The following THSD7A variants were observed in gnomAD, a reference collection of about 807,000 sequenced individuals.
The protein encoded by THSD7A is thrombospondin type 1 domain containing 7A.
THSD7A carries 96 observed loss-of-function variants against 231.3 expected under a neutral mutation model. That is an observed-to-expected ratio of 0.41 (90% CI 0.35 to 0.49). The LOEUF (loss-of-function observed/expected upper bound fraction) is 0.49, where lower values mean the gene tolerates loss of function less well. Ranked by LOEUF, THSD7A falls within the 20% of genes least tolerant of loss-of-function variation. The pLI, the probability that THSD7A is intolerant of heterozygous loss-of-function variation, is 0.05. For synonymous variants in THSD7A, 940 were observed against 743.3 expected (o/e 1.26, Z -4.30); for missense variants, 2,290 against 2,070.2 (o/e 1.11, Z -2.06).
At chr7:11,418,657 C>T (rs1784039638) in intron 16 of THSD7A, among the ~76,000 whole-genome samples, 1 of 152,170 alleles carries the variant, frequency 6.6e-6, no homozygotes, top group Non-Finnish European at 1.5e-5. Flanking sequence ...TCAGCAGGGA[C>T]ATTCACAAAT....
chr7:11,570,275 T>A (rs1790566964), intron 4 of THSD7A, among the ~76,000 whole-genome samples: 1 of 152,140 alleles, frequency 6.6e-6, no homozygotes, highest in African/African-American at 2.4e-5. Flanking sequence ...ATGTTCTCAC[T>A]CATATGGTGG....
intron 6 of THSD7A, among the ~76,000 whole-genome samples, chr7:11,536,066 A>G (rs749345001): frequency 6.6e-5 from 10 of 152,176 alleles, no homozygotes; most frequent in Admixed American, 2.0e-4. Context: ...ACATTTTCCA[A>G]TATTAAACAA....
intron 11 of THSD7A, among the ~76,000 whole-genome samples, chr7:11,451,753 G>A (rs1051814257): frequency 2.0e-5 from 3 of 152,036 alleles, no homozygotes; most frequent in Non-Finnish European, 4.4e-5. Context: ...ATACATGGAT[G>A]TGTAAATGGA....
Position 11,636,955 on chromosome 7 carries a change from C to A in THSD7A, c.197G>T (p.Trp66Leu). The change falls in exon 2 of 28, where the codon TGG becomes TTG. Residue 66 changes from tryptophan to leucine, a missense_variant. By Grantham distance (61) the Trp-to-Leu change is moderately conservative (BLOSUM62 -2). Transcript: ENST00000423059. This position sits in a 1 kb window ranked among gnomAD's most constrained non-coding sequence, Gnocchi z 10.0. Reference protein sequence around the residue: ...PTLYLWKTGPWGRCMGDECGP... With the variant: ...PTLYLWKTGPLGRCMGDECGP... ...ACATTCATCTCCCATACATCGGCCC[C>A]ATGGACCTACAAAAATTATAACACA... 1 of 1,598,450 alleles carries A rather than the reference C, an allele frequency of 6.3e-7. No individual in the cohort carries two copies. The highest frequency in any genetic ancestry group is 8.5e-7 in the Non-Finnish European group (1 of 1,173,628).
intron 1 of THSD7A, among the ~76,000 whole-genome samples, chr7:11,785,344 C>T (rs193113900): frequency 1.3e-3 from 194 of 152,160 alleles, no homozygotes; most frequent in Middle Eastern, 3.4e-3. Context: ...TCAAGTGAAC[C>T]CCCCACCTCA....
At chr7:11,518,148 G>A (rs1288494007) in intron 6 of THSD7A, among the ~76,000 whole-genome samples, 1 of 152,146 alleles carries the variant, frequency 6.6e-6, no homozygotes, top group African/African-American at 2.4e-5. Flanking sequence ...AAATGTTAGT[G>A]CTTGTTTGTT....
intron 6 of THSD7A, among the ~76,000 whole-genome samples, chr7:11,523,311 GAC>G (rs1485321542): frequency 6.6e-6 from 1 of 151,926 alleles, no homozygotes; most frequent in Non-Finnish European, 1.5e-5. Flanking sequence ...CTAAATGAGA[GAC>G]ACAGGCACTA....
intron 23 of THSD7A, among the ~76,000 whole-genome samples, chr7:11,386,621 G>C (rs1259207841): frequency 1.3e-5 from 2 of 152,188 alleles, no homozygotes; most frequent in African/African-American, 2.4e-5. Flanking sequence ...CCCTTTGTCA[G>C]ATGGATAGAT....
At chr7:11,604,081 T>A (rs1225851085) in intron 2 of THSD7A, among the ~76,000 whole-genome samples, 3 of 152,106 alleles carry the variant, frequency 2.0e-5, no homozygotes, top group Admixed American at 2.0e-4. Context: ...AACATTAGTA[T>A]TTACAATAAA....
intron 1 of THSD7A, among the ~76,000 whole-genome samples, chr7:11,652,736 G>A (rs576747375): frequency 2.6e-5 from 4 of 151,992 alleles, no homozygotes; most frequent in African/African-American, 9.6e-5. Context: ...CATCATCTGA[G>A]GGTGAGGCAA....
At chr7:11,717,251 G>A (rs1363020653) in intron 1 of THSD7A, among the ~76,000 whole-genome samples, 6 of 151,702 alleles carry the variant, frequency 4.0e-5, no homozygotes, top group East Asian at 2.0e-4. Context: ...CGGCCTCCTC[G>A]CAGAGGCTAG....
At chr7:11,661,851 C>T (rs1782942010) in intron 1 of THSD7A, among the ~76,000 whole-genome samples, 1 of 151,234 alleles carries the variant, frequency 6.6e-6, no homozygotes, top group South Asian at 2.1e-4. Flanking sequence ...ACACACAACA[C>T]TACGAGTGTT....
intron 1 of THSD7A, among the ~76,000 whole-genome samples, chr7:11,675,635 A>T (rs1414304789): frequency 1.3e-5 from 2 of 152,160 alleles, no homozygotes; most frequent in Non-Finnish European, 2.9e-5. Flanking sequence ...TCACAGTGTA[A>T]AAAAAGCAGC....
At chr7:11,389,203 TG>T (rs1444078374) in intron 23 of THSD7A, among the ~76,000 whole-genome samples, 2 of 151,474 alleles carry the variant, frequency 1.3e-5, no homozygotes, top group African/African-American at 2.4e-5. Context: ...TTATTGGCAG[TG>T]GTGTGTTAAA....
chr7:11,680,965 T>C (rs984708051), intron 1 of THSD7A, among the ~76,000 whole-genome samples: 3 of 152,128 alleles, frequency 2.0e-5, no homozygotes, highest in African/African-American at 7.2e-5. Context: ...TGCCCATGAA[T>C]GATAGACTGC....
chr7:11,511,471 G>C (rs1044706920), intron 6 of THSD7A, among the ~76,000 whole-genome samples: 2 of 152,294 alleles, frequency 1.3e-5, no homozygotes, highest in East Asian at 1.9e-4. Flanking sequence ...AGCCCGCATT[G>C]CTAAGTCAAT....
At chr7:11,806,463 T>C (rs1339088965) in intron 1 of THSD7A, among the ~76,000 whole-genome samples, 1 of 152,146 alleles carries the variant, frequency 6.6e-6, no homozygotes, top group Non-Finnish European at 1.5e-5. Flanking sequence ...GACTTCAGCT[T>C]TAGTCTACAG....
intron 22 of THSD7A, among the ~76,000 whole-genome samples, chr7:11,404,438 G>T (rs748107984): frequency 6.6e-6 from 1 of 152,204 alleles, no homozygotes; most frequent in Admixed American, 6.5e-5. Flanking sequence ...TGGAGATTTG[G>T]TTTTGGAAAA....
In THSD7A at chr7:11,460,880, T is replaced by G. The variant is rs1441952512; in HGVS notation, c.2502-115A>C. Reference sequence around the variant, plus strand: ...CACTGCAAACACAGTTATTTAGCAATGCTCAGTTCTATCTAAATTTAATTT... The same window carrying G: ...CACTGCAAACACAGTTATTTAGCAAGGCTCAGTTCTATCTAAATTTAATTT... On this transcript the variant is annotated intron_variant, in intron 10 of 27. Coordinates refer to ENST00000423059, the MANE Select transcript of THSD7A (RefSeq NM_015204.3). The G allele has an allele frequency of 5.6e-6, 4 of 715,978 alleles. No homozygotes were observed. The African/African-American group carries it at 7.2e-5, about 13-fold the overall frequency. The allele number at this position is 715,978 out of a possible 1,614,324, so 44.4% of individuals were successfully genotyped here. A position where few individuals can be genotyped will look rare whatever the true frequency, so the allele number is the denominator to read the frequency against.
Sources: gnomAD v4.1 joint callset for allele counts (sites outside exome capture counted in the v4.1 genomes callset) on GRCh38, gnomAD v4.1.1 for gene constraint, Gnocchi (gnomAD v3.1) non-coding constraint, MANE v1.5 for transcripts, NCBI Gene and HGNC (gene_info 2026-07-23, HGNC 2026-07-21) for gene names.